ELP4: variants seen among roughly 807,000 people sequenced by gnomAD.
ELP4 encodes the protein elongator complex protein 4.
In ELP4, 51 loss-of-function variants were observed where a neutral mutation model predicts 48.9. That is an observed-to-expected ratio of 1.04 (90% CI 0.83 to 1.32). The LOEUF (loss-of-function observed/expected upper bound fraction) is 1.32. Among genes scored for constraint, ELP4 ranks in the 40% most tolerant of loss-of-function variants. ELP4 has a pLI of 0.00. For synonymous variants in ELP4, 210 were observed against 189.2 expected, an observed-to-expected ratio of 1.11 and a Z score of -0.90; for missense variants, 519 against 514.6, an observed-to-expected ratio of 1.01 and a Z score of -0.08.
intron 9 of ELP4, among the ~76,000 whole-genome samples, chr11:31,754,636 C>T (rs1459647585): frequency 1.3e-5 from 2 of 152,062 alleles, no homozygotes; most frequent in African/African-American, 4.8e-5. Flanking sequence ...TTTGGGAGGC[C>T]GAGGTGGGTG....
chr11:31,623,268 AC>A (rs1944659358), intron 5 of ELP4, among the ~76,000 whole-genome samples: 2 of 149,268 alleles, frequency 1.3e-5, no homozygotes, highest in Non-Finnish European at 3.0e-5. Context: ...CTAAACACAC[AC>A]ACAAGAGTAA....
intron 9 of ELP4, among the ~76,000 whole-genome samples, chr11:31,742,200 A>T (rs1947471015): frequency 6.6e-6 from 1 of 152,234 alleles, no homozygotes; most frequent in Admixed American, 6.5e-5. Flanking sequence ...TAGAGAAAAA[A>T]GAATGAAAAG....
At chr11:31,733,108 A>T (rs1947228661) in intron 9 of ELP4, among the ~76,000 whole-genome samples, 1 of 152,194 alleles carries the variant, frequency 6.6e-6, no homozygotes, top group Admixed American at 6.6e-5. Flanking sequence ...CAGAATATAC[A>T]TTGTTCTCAT....
intron 4 of ELP4, among the ~76,000 whole-genome samples, chr11:31,601,815 A>G (rs1203875946): frequency 6.6e-6 from 1 of 152,120 alleles, no homozygotes; most frequent in Non-Finnish European, 1.5e-5. Context: ...AAGCTTCCCT[A>G]CTAGGCCTGG....
At chr11:31,588,298 T>A (rs1473566153) in intron 3 of ELP4, among the ~76,000 whole-genome samples, 1 of 152,116 alleles carries the variant, frequency 6.6e-6, no homozygotes, top group African/African-American at 2.4e-5. Context: ...GTGTATGAGG[T>A]TTTTTATTCA....
intron 1 of ELP4, among the ~76,000 whole-genome samples, chr11:31,519,562 C>T (rs192961837): frequency 5.9e-5 from 9 of 152,284 alleles, no homozygotes; most frequent in East Asian, 1.9e-4. Flanking sequence ...CACTGGCTCA[C>T]GCCTGTAATC....
Position 31,783,417 on chromosome 11 carries a change from T to A in ELP4, c.1168T>A (p.Ser390Thr), listed in dbSNP as rs748678415. 2 of 1,614,078 alleles carry A rather than the reference T, an allele frequency of 1.2e-6. No homozygotes were observed. Among genetic ancestry groups the A allele is most frequent in the East Asian group, 2.2e-5 (1 of 44,886 alleles). The change falls in exon 10 of 10, where the codon TCA becomes ACA. Residue 390 changes from serine (S) to threonine (T), a missense_variant. Coordinates refer to ENST00000640961, the MANE Select transcript of ELP4 (RefSeq NM_019040.5). Reference sequence around the variant, plus strand: ...GCGACTGCATTTGCCTCCAGACTTGTCAGACACAGTGAGCCGCTCAAGCAA... The same window carrying A: ...GCGACTGCATTTGCCTCCAGACTTGACAGACACAGTGAGCCGCTCAAGCAA... ...IERLHLPPDL[S>T]DTVSRSSKMD...
intron 3 of ELP4, among the ~76,000 whole-genome samples, chr11:31,569,480 G>A (rs1164440066): frequency 6.6e-6 from 1 of 152,166 alleles, no homozygotes; most frequent in African/African-American, 2.4e-5. Context: ...GAACACCACG[G>A]TGTCTGACAC....
intron 9 of ELP4, among the ~76,000 whole-genome samples, chr11:31,660,706 G>T (rs958569818): frequency 7.9e-5 from 12 of 151,846 alleles, no homozygotes; most frequent in African/African-American, 2.9e-4. Flanking sequence ...CACAGTGATA[G>T]TGTTCAACTC....
In ELP4 at chr11:31,782,103, T is replaced by G. The variant is rs561809889; in HGVS notation, c.1144-1290T>G. ...ATAGTATCTTTTATCCTAGATATAT[T>G]TGTATTAAAAATAAGTACAGGCAGG... On this transcript the variant is annotated intron_variant, in intron 9 of 9. Coordinates refer to ENST00000640961, the MANE Select transcript of ELP4 (RefSeq NM_019040.5). Among the ~76,000 whole-genome samples, 12 of 152,340 alleles carry G rather than the reference T, an allele frequency of 7.9e-5. No individual in the cohort carries two copies. The South Asian group carries it at 2.5e-3, about 32-fold the overall frequency.
chr11:31,622,202 T>C (rs938835732), intron 5 of ELP4, among the ~76,000 whole-genome samples: 1 of 151,836 alleles, frequency 6.6e-6, no homozygotes, highest in Non-Finnish European at 1.5e-5. Context: ...ACAAGTTATT[T>C]TAAAATCACA....
At chr11:31,611,074 G>A (rs1957969557) in intron 5 of ELP4, among the ~76,000 whole-genome samples, 2 of 152,150 alleles carry the variant, frequency 1.3e-5, no homozygotes, top group Admixed American at 1.3e-4. Context: ...TGTTGGGATA[G>A]CCTCGTAATT....
intron 3 of ELP4, among the ~76,000 whole-genome samples, chr11:31,550,362 C>T (rs1292168952): frequency 2.6e-5 from 4 of 151,744 alleles, no homozygotes; most frequent in Non-Finnish European, 4.4e-5. Context: ...TTAATGGTTT[C>T]CAAAGTATAT....
At chr11:31,521,910 T>A (rs1055379139) in intron 2 of ELP4, among the ~76,000 whole-genome samples, 1 of 152,166 alleles carries the variant, frequency 6.6e-6, no homozygotes, top group Non-Finnish European at 1.5e-5. Flanking sequence ...AGCCATTGAT[T>A]TCCCTGTTGG....
At chr11:31,714,929 T>G in intron 9 of ELP4, 1 of 397,244 alleles carries the variant, frequency 2.5e-6, no homozygotes. Flanking sequence ...ATTCAATCTT[T>G]CACCTTAATT....
chr11:31,602,281 G>T (rs1957798503), intron 4 of ELP4, among the ~76,000 whole-genome samples: 2 of 151,944 alleles, frequency 1.3e-5, no homozygotes, highest in South Asian at 4.1e-4. Flanking sequence ...TAGATTATAG[G>T]CCAAAGAACA....
intron 9 of ELP4, among the ~76,000 whole-genome samples, chr11:31,709,588 A>C (rs1029016446): frequency 6.6e-6 from 1 of 152,144 alleles, no homozygotes; most frequent in Non-Finnish European, 1.5e-5. Context: ...TTTAGTCCCA[A>C]CTCTGCCATT....
chr11:31,609,864 T>C (rs2134011018), intron 5 of ELP4, among the ~76,000 whole-genome samples: 1 of 152,142 alleles, frequency 6.6e-6, no homozygotes, highest in South Asian at 2.1e-4. Context: ...AGTGAGACCC[T>C]GTCTCTACAA....
intron 7 of ELP4, among the ~76,000 whole-genome samples, chr11:31,640,886 G>A (rs1045993854): frequency 1.3e-5 from 2 of 151,858 alleles, no homozygotes; most frequent in African/African-American, 4.8e-5. Context: ...TGGCAGGCAA[G>A]GATTCCTGGG....
Sources: gnomAD v4.1 joint callset for allele counts (sites outside exome capture counted in the v4.1 genomes callset) on GRCh38, gnomAD v4.1.1 for gene constraint, MANE v1.5 for transcripts, NCBI Gene and HGNC (gene_info 2026-07-23, HGNC 2026-07-21) for gene names.